Variants in VIT observed in about 807,000 individuals in gnomAD.
The protein encoded by VIT is vitrin.
A neutral mutation model predicts 78.0 loss-of-function variants in VIT; 99 were observed. That is an observed-to-expected ratio of 1.27 (90% CI 1.08 to 1.50). VIT has a LOEUF of 1.50. Ranked by LOEUF, VIT falls within the 40% of genes most tolerant of loss-of-function variation. VIT has a pLI of 0.00. For synonymous variants in VIT, 374 were observed against 334.3 expected, an observed-to-expected ratio of 1.12 and a Z score of -1.29; for missense variants, 1,126 against 875.3, an observed-to-expected ratio of 1.29 and a Z score of -3.61.
chr2:36,743,704 A>G (rs1402072754), intron 4 of VIT, among the ~76,000 whole-genome samples: 2 of 152,208 alleles, frequency 1.3e-5, no homozygotes, highest in Non-Finnish European at 2.9e-5. Context: ...ACTGTCTCCA[A>G]ATATTCTTGT....
intron 1 of VIT, among the ~76,000 whole-genome samples, chr2:36,715,286 T>G (rs1666056032): frequency 6.6e-6 from 1 of 152,166 alleles, no homozygotes; most frequent in African/African-American, 2.4e-5. Context: ...ATGCCTGTAA[T>G]TCCAGCACTT....
chr2:36,706,511 C>G (rs1290690354), intron 1 of VIT, among the ~76,000 whole-genome samples: 2 of 152,152 alleles, frequency 1.3e-5, no homozygotes, highest in Non-Finnish European at 2.9e-5. Context: ...CTGCTCCTCC[C>G]AGGGCCACAC....
At chr2:36,780,357 A>C (rs1040714733) in intron 9 of VIT, among the ~76,000 whole-genome samples, 5 of 152,234 alleles carry the variant, frequency 3.3e-5, no homozygotes, top group Non-Finnish European at 5.9e-5. Flanking sequence ...TTGGGCAAAA[A>C]GTGAGGGAAG....
At chr2:36,734,582 G>A (rs1667396114) in intron 3 of VIT, among the ~76,000 whole-genome samples, 1 of 152,116 alleles carries the variant, frequency 6.6e-6, no homozygotes, top group Non-Finnish European at 1.5e-5. Flanking sequence ...AAGACGTATG[G>A]GAAAAATGGG....
chr2:36,710,259 C>T (rs1054720460), intron 1 of VIT, among the ~76,000 whole-genome samples: 8 of 152,040 alleles, frequency 5.3e-5, no homozygotes, highest in African/African-American at 1.5e-4. Context: ...TTAACATATA[C>T]GCACAGGGTA....
chr2:36,701,529 G>A (rs1383278683), intron 1 of VIT, among the ~76,000 whole-genome samples: 3 of 152,190 alleles, frequency 2.0e-5, no homozygotes, highest in African/African-American at 7.2e-5. Context: ...CTAAACTTCT[G>A]TGTGGACGTG....
intron 7 of VIT, among the ~76,000 whole-genome samples, chr2:36,770,875 G>A (rs1040812183): frequency 1.3e-5 from 2 of 152,218 alleles, no homozygotes; most frequent in Admixed American, 1.3e-4. Flanking sequence ...AGACCAGGGA[G>A]GGGAGAAGAG....
intron 7 of VIT, among the ~76,000 whole-genome samples, chr2:36,769,062 C>T (rs1240917318): frequency 1.3e-5 from 2 of 152,124 alleles, no homozygotes; most frequent in Admixed American, 6.5e-5. Flanking sequence ...CACAGGTGCA[C>T]AATACTTGAC....
intron 8 of VIT, among the ~76,000 whole-genome samples, chr2:36,774,099 G>C (rs1003604689): frequency 6.6e-6 from 1 of 152,150 alleles, no homozygotes; most frequent in African/African-American, 2.4e-5. Context: ...AATGTCTCAG[G>C]ATTCAGTAAC....
At chr2:36,712,797 T>C (rs1665887719) in intron 1 of VIT, among the ~76,000 whole-genome samples, 1 of 152,236 alleles carries the variant, frequency 6.6e-6, no homozygotes, top group Non-Finnish European at 1.5e-5. Flanking sequence ...ATTGCAGCAT[T>C]GCACTCCAGC....
chr2:36,699,862 G>A (rs1390578713), intron 1 of VIT, among the ~76,000 whole-genome samples: 1 of 70,204 alleles, frequency 1.4e-5, no homozygotes, highest in African/African-American at 3.8e-5. Context: ...TCATGTGGGT[G>A]TTAGGCGGAA....
In VIT at chr2:36,712,640, G is replaced by T. The variant is rs956920696; in HGVS notation, c.-18-3713G>T. ...ATCATGAGGTCAGGAGTTCCAGACC[G>T]GCCTGGCCAACATGCTAAAACCCCG... On this transcript the variant is annotated intron_variant, in intron 1 of 15. Transcript: ENST00000379242. Among the ~76,000 whole-genome samples the T allele has an allele frequency of 5.4e-4, 82 of 152,032 alleles. 3 individuals carry two copies. Among genetic ancestry groups the T allele is most frequent in the Admixed American group, 4.8e-3 (73 of 15,266 alleles).
At chr2:36,800,129 G>A (rs1666212971) in intron 12 of VIT, among the ~76,000 whole-genome samples, 1 of 151,722 alleles carries the variant, frequency 6.6e-6, no homozygotes, top group African/African-American at 2.4e-5. Flanking sequence ...GGTGGATCAC[G>A]AAGTCAGGAG....
intron 2 of VIT, among the ~76,000 whole-genome samples, chr2:36,720,413 G>A (rs558892142): frequency 2.5e-4 from 38 of 152,230 alleles, no homozygotes; most frequent in African/African-American, 8.9e-4. Context: ...TTCAATAAGT[G>A]TTATTGGGAA....
At chr2:36,740,439 T>C (rs1309717924) in intron 3 of VIT, among the ~76,000 whole-genome samples, 6 of 152,190 alleles carry the variant, frequency 3.9e-5, no homozygotes, top group Non-Finnish European at 7.3e-5. Flanking sequence ...ACATAGACAT[T>C]ACACTTTTTA....
Position 36,801,362 on chromosome 2 carries a change from G to A in VIT, c.1120G>A (p.Ala374Thr), listed in dbSNP as rs1315173619. Residue 374 changes from alanine (A) to threonine (T), a missense_variant, in exon 13 of 16, where the codon GCC becomes ACC. Ala to Thr is a moderately conservative substitution (Grantham distance 58). Coordinates refer to ENST00000379242, the MANE Select transcript of VIT (RefSeq NM_053276.4). ...THTNSRDLKT[A>T]IEKITQRGGL... is the part of the protein sequence containing the mutation. ...CACGAATTCTCGAGATCTGAAGACA[G>A]CCATAGAGAAAATTACTCAGAGAGG... The A allele has an allele frequency of 6.2e-7, 1 of 1,613,984 alleles. No individual in the cohort carries two copies. Among genetic ancestry groups the A allele is most frequent in the South Asian group, 1.1e-5 (1 of 91,082 alleles).
At chr2:36,727,726 G>C (rs1666939898) in intron 2 of VIT, among the ~76,000 whole-genome samples, 1 of 152,198 alleles carries the variant, frequency 6.6e-6, no homozygotes, top group Non-Finnish European at 1.5e-5. Context: ...GATTGTAATG[G>C]AGATGAAAAA....
chr2:36,740,503 A>G (rs546583122), intron 3 of VIT, among the ~76,000 whole-genome samples: 4 of 152,238 alleles, frequency 2.6e-5, no homozygotes, highest in Admixed American at 2.6e-4. Flanking sequence ...CTCCAGCTTA[A>G]TTTTCTGTAC....
intron 8 of VIT, chr2:36,774,554 G>A (rs867403110): frequency 9.2e-5 from 91 of 985,262 alleles, no homozygotes; most frequent in Non-Finnish European, 1.0e-4. Context: ...GGGGATACTC[G>A]TCCACTCTCC....
Sources: allele counts gnomAD v4.1 joint callset (sites outside exome capture counted in the v4.1 genomes callset), GRCh38; gene constraint gnomAD v4.1.1; transcripts MANE v1.5; gene names NCBI Gene and HGNC (gene_info 2026-07-23, HGNC 2026-07-21).